NELL1: variants seen among roughly 807,000 people sequenced by gnomAD.
NELL1 encodes the protein neural EGFL like 1.
A neutral mutation model predicts 107.4 loss-of-function variants in NELL1; 76 were observed. The ratio of observed to expected loss-of-function variants is 0.71; its 90% CI spans 0.59 to 0.86. The LOEUF is 0.86. NELL1 is among the 40% of genes least tolerant of loss of function. The pLI is 0.00. For missense variants in NELL1, 1,024 were observed against 1,005.5 expected, an observed-to-expected ratio of 1.02 and a Z score of -0.25; for synonymous variants, 353 against 341.2, an observed-to-expected ratio of 1.03 and a Z score of -0.38.
At chr11:21,021,739 T>C (rs1852706579) in intron 12 of NELL1, among the ~76,000 whole-genome samples, 1 of 152,266 alleles carries the variant, frequency 6.6e-6, no homozygotes, top group African/African-American at 2.4e-5. Flanking sequence ...GTAATTAAAC[T>C]ATCAAAATAA....
chr11:20,772,629 A>G (rs1185042463), intron 2 of NELL1, among the ~76,000 whole-genome samples: 3 of 151,988 alleles, frequency 2.0e-5, no homozygotes, highest in African/African-American at 7.3e-5. Flanking sequence ...TCATTCATTC[A>G]TTCATTCATT....
At chr11:20,832,589 C>T (rs1427380870) in intron 3 of NELL1, among the ~76,000 whole-genome samples, 2 of 152,124 alleles carry the variant, frequency 1.3e-5, no homozygotes, top group Non-Finnish European at 2.9e-5. Flanking sequence ...TAATAAATTA[C>T]ATATGGCACA....
chr11:21,209,616 T>A (rs1360577384), intron 13 of NELL1, among the ~76,000 whole-genome samples: 1 of 152,036 alleles, frequency 6.6e-6, no homozygotes, highest in Non-Finnish European at 1.5e-5. Flanking sequence ...ATTTACATAG[T>A]ATAAGTTTTA....
intron 16 of NELL1, 73 bp downstream of exon 16, chr11:21,534,587 T>A (rs1356465470): frequency 1.6e-5 from 24 of 1,483,710 alleles, no homozygotes; most frequent in Non-Finnish European, 2.1e-5. Context: ...TGGTACTCTG[T>A]TCAGCTCCCA....
rs146026521 is a variant in NELL1, at chr11:21,404,172, A to T, written c.1645+33224A>T. On this transcript the variant is annotated intron_variant, in intron 15 of 19. Coordinates refer to ENST00000357134, the MANE Select transcript of NELL1 (RefSeq NM_006157.5). ...TAGAAACAGCCTGGCTATTTTTGGA[A>T]GAAGTAAAGGGGGAAATATAAGGAA... 8.2e-4 allele frequency among the ~76,000 whole-genome samples: 124 copies of T among 152,020 alleles called. 1 individual carries two copies. The East Asian group carries it at 0.023, about 28-fold the overall frequency.
intron 14 of NELL1, among the ~76,000 whole-genome samples, chr11:21,252,038 C>T (rs763922632): frequency 1.3e-5 from 2 of 152,046 alleles, no homozygotes; most frequent in Middle Eastern, 3.2e-3. Flanking sequence ...ACACGCAAGA[C>T]TGTGTCACAT....
At chr11:21,334,570 A>G (rs1850344380) in intron 14 of NELL1, among the ~76,000 whole-genome samples, 1 of 151,684 alleles carries the variant, frequency 6.6e-6, no homozygotes, top group African/African-American at 2.4e-5. Flanking sequence ...GTTTTCCCCT[A>G]TTTCTAAGTC....
rs570767158 is a variant in NELL1, at chr11:21,417,984, G to T, written c.1645+47036G>T. 1.2e-4 allele frequency among the ~76,000 whole-genome samples: 19 copies of T among 152,112 alleles called. No homozygotes were observed. The South Asian group carries it at 3.3e-3, about 27-fold the overall frequency. On this transcript the variant is annotated intron_variant, in intron 15 of 19. Transcript: ENST00000357134. ...AATTTAGAGGCTCACCATGTCCCAAGCACTATGCAAATTCTTTACATACAC... is the reference window on the plus strand; with the variant it reads ...AATTTAGAGGCTCACCATGTCCCAATCACTATGCAAATTCTTTACATACAC...
intron 13 of NELL1, among the ~76,000 whole-genome samples, chr11:21,226,895 G>C (rs1857907535): frequency 6.6e-6 from 1 of 152,188 alleles, no homozygotes; most frequent in South Asian, 2.1e-4. Context: ...CATTGTGAGA[G>C]AGTATTGTGG....
chr11:21,507,059 A>G (rs11824013), intron 15 of NELL1, among the ~76,000 whole-genome samples: 282 of 152,336 alleles, frequency 1.9e-3, no homozygotes, highest in African/African-American at 6.6e-3. Flanking sequence ...GACACAAACA[A>G]TGAGGCTCAG....
At chr11:21,276,984 A>G (rs1446920341) in intron 14 of NELL1, among the ~76,000 whole-genome samples, 2 of 151,624 alleles carry the variant, frequency 1.3e-5, no homozygotes. Context: ...GGACATAGGC[A>G]TGGGCAAGGA....
chr11:21,264,008 G>C (rs1338309268), intron 14 of NELL1, among the ~76,000 whole-genome samples: 2 of 151,276 alleles, frequency 1.3e-5, no homozygotes, highest in Non-Finnish European at 2.9e-5. Context: ...CTTGTTTATA[G>C]AGAATTTTTT....
intron 2 of NELL1, among the ~76,000 whole-genome samples, chr11:20,749,337 C>T (rs568041643): frequency 1.8e-4 from 28 of 152,186 alleles, no homozygotes; most frequent in African/African-American, 4.6e-4. Flanking sequence ...CTGTGTCTCA[C>T]GTCTGTAATC....
At chr11:20,762,100 T>G (rs561609021) in intron 2 of NELL1, among the ~76,000 whole-genome samples, 12 of 152,300 alleles carry the variant, frequency 7.9e-5, no homozygotes, top group African/African-American at 2.6e-4. Context: ...TTAGAGTCAA[T>G]TGTTTGATGT....
chr11:20,776,048 A>G (rs1320469499), intron 2 of NELL1, among the ~76,000 whole-genome samples: 1 of 152,176 alleles, frequency 6.6e-6, no homozygotes, highest in East Asian at 1.9e-4. Context: ...AATGTGACAA[A>G]GATTTGAGGC....
chr11:21,213,594 C>T (rs1023825143), intron 13 of NELL1, among the ~76,000 whole-genome samples: 2 of 151,990 alleles, frequency 1.3e-5, no homozygotes, highest in Admixed American at 1.3e-4. Context: ...TTAAGGATTT[C>T]TTTATAGATA....
intron 13 of NELL1, chr11:21,170,207 C>G: frequency 2.0e-6 from 1 of 500,772 alleles, no homozygotes; most frequent in Non-Finnish European, 3.6e-6. Flanking sequence ...ACTCATCTGT[C>G]GAACGTGTTG....
At chr11:21,001,286 T>A (rs1407677640) in intron 12 of NELL1, among the ~76,000 whole-genome samples, 1 of 152,148 alleles carries the variant, frequency 6.6e-6, no homozygotes, top group African/African-American at 2.4e-5. Context: ...TTGGACAAAG[T>A]TGTTAAGTTG....
rs545046577 is a variant in NELL1, at chr11:21,313,126, C to T, written c.1550-57727C>T. 5.9e-5 allele frequency among the ~76,000 whole-genome samples: 9 copies of T among 151,950 alleles called. No homozygotes were observed. The East Asian group carries it at 1.6e-3, about 26-fold the overall frequency. ...ATGAGACAGATCCCTTGTCAGCTGT[C>T]ATTTAGGATTTATAAAGGTGAATGA... is the stretch of plus-strand genomic sequence containing the variant. On this transcript the variant is annotated intron_variant, in intron 14 of 19. Transcript: ENST00000357134.
Sources: allele counts gnomAD v4.1 joint callset (sites outside exome capture counted in the v4.1 genomes callset), GRCh38; gene constraint gnomAD v4.1.1; transcripts MANE v1.5; gene names NCBI Gene and HGNC (gene_info 2026-07-23, HGNC 2026-07-21).